The following PARD3B variants were observed in gnomAD, a reference collection of about 807,000 sequenced individuals.
The protein encoded by PARD3B is partitioning defective 3 homolog B.
PARD3B carries 103 observed loss-of-function variants against 130.2 expected under a neutral mutation model. The observed-to-expected ratio is 0.79, with a 90% CI of 0.67 to 0.93. The LOEUF (loss-of-function observed/expected upper bound fraction) is 0.93. Among genes scored for constraint, PARD3B ranks in the 40% least tolerant of loss-of-function variants. PARD3B has a pLI of 0.00. For synonymous variants in PARD3B, 583 were observed against 553.2 expected, an observed-to-expected ratio of 1.05 and a Z score of -0.76; for missense variants, 1,609 against 1,499.2, an observed-to-expected ratio of 1.07 and a Z score of -1.21.
chr2:205,226,276 T>C (rs924173445), intron 15 of PARD3B, among the ~76,000 whole-genome samples: 2 of 152,084 alleles, frequency 1.3e-5, no homozygotes, highest in Non-Finnish European at 1.5e-5. Context: ...CTCCTGATCT[T>C]GTGATCCGCC....
intron 1 of PARD3B, among the ~76,000 whole-genome samples, chr2:204,551,816 T>A (rs1020317561): frequency 6.6e-6 from 1 of 152,236 alleles, no homozygotes; most frequent in African/African-American, 2.4e-5. Flanking sequence ...TTGTCAGATT[T>A]TTGTGAGACT....
chr2:205,074,513 T>A (rs1450771233), intron 4 of PARD3B, among the ~76,000 whole-genome samples: 1 of 152,168 alleles, frequency 6.6e-6, no homozygotes, highest in African/African-American at 2.4e-5. Flanking sequence ...ACAACTTATC[T>A]TCATAGAAAA....
chr2:205,080,888 C>T (rs759521573), intron 4 of PARD3B, among the ~76,000 whole-genome samples: 1 of 150,772 alleles, frequency 6.6e-6, no homozygotes, highest in Admixed American at 6.6e-5. Context: ...AGGTTGAGCA[C>T]CTCTTCATAT....
At chr2:205,295,195 T>G (rs969950601) in intron 16 of PARD3B, among the ~76,000 whole-genome samples, 1 of 152,338 alleles carries the variant, frequency 6.6e-6, no homozygotes, top group Admixed American at 6.5e-5. Context: ...ACAATAATTT[T>G]GTATTCAAAG....
chr2:204,670,378 T>G (rs530275370), intron 1 of PARD3B, among the ~76,000 whole-genome samples: 5 of 152,186 alleles, frequency 3.3e-5, no homozygotes, highest in Admixed American at 3.3e-4. Flanking sequence ...CAAATAGTGC[T>G]AAAAGGCCCA....
chr2:205,066,336 A>AT (rs1700375935), intron 4 of PARD3B, among the ~76,000 whole-genome samples: 1 of 152,180 alleles, frequency 6.6e-6, no homozygotes, highest in Admixed American at 6.6e-5. Flanking sequence ...TACAGTTAAG[A>AT]TAGGTGCCTT....
intron 15 of PARD3B, among the ~76,000 whole-genome samples, chr2:205,215,278 CT>C (rs879735307): frequency 2.3e-3 from 324 of 141,602 alleles, no homozygotes; most frequent in South Asian, 2.2e-3. Flanking sequence ...TTACATTGTT[CT>C]TTTTTTTTTT....
chr2:204,641,564 A>G (rs1220635049), intron 1 of PARD3B, among the ~76,000 whole-genome samples: 1 of 152,140 alleles, frequency 6.6e-6, no homozygotes, highest in African/African-American at 2.4e-5. Flanking sequence ...TGCCTAGAGT[A>G]GTCCTTTCTT....
At chr2:204,781,414 A>G (rs911672969) in intron 2 of PARD3B, among the ~76,000 whole-genome samples, 5 of 152,128 alleles carry the variant, frequency 3.3e-5, no homozygotes, top group Non-Finnish European at 7.4e-5. Context: ...TCTGTACTTG[A>G]TTTTAATCAT....
chr2:204,771,866 A>G (rs2041402439), intron 2 of PARD3B, among the ~76,000 whole-genome samples: 1 of 152,058 alleles, frequency 6.6e-6, no homozygotes, highest in Admixed American at 6.6e-5. Flanking sequence ...ATTATTGATC[A>G]CATAAGATGG....
At chr2:205,219,605 G>C (rs552490022) in intron 15 of PARD3B, among the ~76,000 whole-genome samples, 1 of 152,052 alleles carries the variant, frequency 6.6e-6, no homozygotes, top group African/African-American at 2.4e-5. Flanking sequence ...GAACAAAGCA[G>C]CTATACAATC....
At chr2:204,579,873 C>T (rs1394781080) in intron 1 of PARD3B, among the ~76,000 whole-genome samples, 4 of 152,210 alleles carry the variant, frequency 2.6e-5, no homozygotes, top group African/African-American at 9.7e-5. Flanking sequence ...CCCATCCTAC[C>T]CTGTGAAGAC....
intron 2 of PARD3B, among the ~76,000 whole-genome samples, chr2:204,735,425 G>A (rs756807687): frequency 1.3e-5 from 2 of 152,026 alleles, no homozygotes; most frequent in Non-Finnish European, 2.9e-5. Context: ...GAAATACAAG[G>A]GATAGAGAAA....
intron 4 of PARD3B, among the ~76,000 whole-genome samples, chr2:205,090,117 T>A (rs1335790291): frequency 6.6e-6 from 1 of 152,220 alleles, no homozygotes; most frequent in African/African-American, 2.4e-5. Context: ...AAAACTCTTA[T>A]CTGTCAGGAA....
At position 204,714,018 on chromosome 2, in the gene PARD3B, T is replaced by C. The variant is rs1488279943; in HGVS notation, c.222+27736T>C. ...ATATGTATGTTTATTAACACATATA[T>C]GTATGCACATTTATATTTATTTTTA... On this transcript the variant is annotated intron_variant, in intron 2 of 22. Coordinates refer to ENST00000406610, the MANE Select transcript of PARD3B (RefSeq NM_001302769.2). Among the ~76,000 whole-genome samples the C allele has an allele frequency of 3.3e-5, 5 of 152,344 alleles. No homozygotes were observed. In the East Asian group the frequency reaches 9.6e-4, roughly 29 times the overall value.
intron 21 of PARD3B, among the ~76,000 whole-genome samples, chr2:205,501,768 C>A (rs1428127436): frequency 2.0e-5 from 3 of 152,190 alleles, no homozygotes; most frequent in African/African-American, 7.2e-5. Flanking sequence ...GCTTAACTTT[C>A]AAGAGACTTG....
chr2:205,252,022 A>C (rs1033655462), intron 16 of PARD3B, among the ~76,000 whole-genome samples: 18 of 152,168 alleles, frequency 1.2e-4, no homozygotes, highest in African/African-American at 4.3e-4. Flanking sequence ...TTCCTATACA[A>C]AGTTGATTGT....
intron 3 of PARD3B, among the ~76,000 whole-genome samples, chr2:204,972,352 T>G (rs1691786066): frequency 6.6e-6 from 1 of 152,188 alleles, no homozygotes; most frequent in South Asian, 2.1e-4. Flanking sequence ...GAGATATTAC[T>G]TATTAAAATT....
intron 15 of PARD3B, among the ~76,000 whole-genome samples, chr2:205,194,285 C>T (rs1052896895): frequency 6.6e-6 from 1 of 152,096 alleles, no homozygotes; most frequent in Non-Finnish European, 1.5e-5. Flanking sequence ...GAAAAATGTT[C>T]AGTCATGATG....
Sources: gnomAD v4.1 joint callset for allele counts (sites outside exome capture counted in the v4.1 genomes callset) on GRCh38, gnomAD v4.1.1 for gene constraint, MANE v1.5 for transcripts, NCBI Gene and HGNC (gene_info 2026-07-23, HGNC 2026-07-21) for gene names.